Variants in PLD1 observed in about 807,000 individuals in gnomAD.
PLD1 encodes choline phosphatase 1.
Under a neutral mutation model 137.1 loss-of-function variants are expected in PLD1, and 112 were observed. The ratio of observed to expected loss-of-function variants is 0.82; its 90% CI spans 0.70 to 0.96. The LOEUF (loss-of-function observed/expected upper bound fraction) is 0.96. PLD1 is among the 40% of genes least tolerant of loss of function. PLD1 has a pLI of 0.00. For missense variants in PLD1, 1,321 were observed against 1,342.0 expected (o/e 0.98, Z 0.24); for synonymous variants, 431 against 454.7 (o/e 0.95, Z 0.66).
chr3:171,640,016 C>G (rs1054149119), intron 23 of PLD1, among the ~76,000 whole-genome samples: 1 of 151,516 alleles, frequency 6.6e-6, no homozygotes, highest in Non-Finnish European at 1.5e-5. Flanking sequence ...GTAATGTCCC[C>G]TCTTAGTTTC....
At chr3:171,747,222 A>G (rs923028399) in intron 1 of PLD1, among the ~76,000 whole-genome samples, 2 of 152,190 alleles carry the variant, frequency 1.3e-5, no homozygotes, top group Admixed American at 1.3e-4. Flanking sequence ...CTGCGGCTTC[A>G]TTCGTGAAGT....
At chr3:171,678,505 G>T (rs942138211) in intron 16 of PLD1, among the ~76,000 whole-genome samples, 1 of 152,180 alleles carries the variant, frequency 6.6e-6, no homozygotes, top group Non-Finnish European at 1.5e-5. Flanking sequence ...AGACAATGAA[G>T]TAAAAAGATG....
At chr3:171,617,737 G>A (rs901146179) in intron 24 of PLD1, among the ~76,000 whole-genome samples, 19 of 152,204 alleles carry the variant, frequency 1.2e-4, no homozygotes, top group African/African-American at 4.6e-4. Context: ...ATGCACAAAA[G>A]AGATCTTCAG....
rs1420593540 is a variant in PLD1 at position 171,688,707 on chromosome 3, A to G, written c.1508T>C (p.Val503Ala). ...RLTDVGSVKRVTSGPSLGSLP... is the reference protein window; with the variant it reads ...RLTDVGSVKRATSGPSLGSLP... Reference sequence around the variant, plus strand: ...GGAACCCAGAGACGGTCCTGAAGTGACCCGCTTCACACTGCCCACGTCTGT... The same window carrying G: ...GGAACCCAGAGACGGTCCTGAAGTGGCCCGCTTCACACTGCCCACGTCTGT... Residue 503 changes from valine (V) to alanine (A), a missense_variant, in exon 14 of 27, where the codon GTC (valine) becomes GCC (alanine). Coordinates refer to ENST00000351298, the MANE Select transcript of PLD1 (RefSeq NM_002662.5). The G allele has an allele frequency of 6.2e-7, 1 of 1,614,056 alleles. No individual in the cohort carries two copies. The highest frequency in any genetic ancestry group is 8.5e-7 in the Non-Finnish European group (1 of 1,179,960).
Position 171,644,935 on chromosome 3 carries a change from G to A in PLD1, c.2518C>T (p.Gln840Ter). 6.2e-7 allele frequency: 1 copy of A among 1,612,572 alleles called. No individual in the cohort carries two copies. Among genetic ancestry groups the A allele is most frequent in the Non-Finnish European group, 8.5e-7 (1 of 1,178,540 alleles). ...CTGTAGTTGAAGTGCATGATTGCCT[G>A]TAGAGCATTTCCTCCGCCGGTTGAA... ...DISTGGGNAL[Q>*]AIMHFNYRTM... The change falls in exon 22 of 27, where the codon CAG becomes TAG. Residue 840 changes from glutamine to a stop codon, truncating the protein, a stop_gained. Coordinates refer to ENST00000351298, the MANE Select transcript of PLD1 (RefSeq NM_002662.5). LOFTEE classifies it high-confidence loss of function.
At chr3:171,784,813 A>G (rs1722932769) in intron 1 of PLD1, among the ~76,000 whole-genome samples, 1 of 152,206 alleles carries the variant, frequency 6.6e-6, no homozygotes, top group Non-Finnish European at 1.5e-5. Flanking sequence ...AGCTACCTAT[A>G]GATAGCAAAT....
chr3:171,723,821 A>C (rs941770874), intron 8 of PLD1, among the ~76,000 whole-genome samples: 1 of 151,910 alleles, frequency 6.6e-6, no homozygotes, highest in Non-Finnish European at 1.5e-5. Context: ...TCAGATTATT[A>C]GATTTTTTTC....
intron 23 of PLD1, among the ~76,000 whole-genome samples, chr3:171,641,983 G>C (rs1233986941): frequency 7.9e-5 from 12 of 152,100 alleles, no homozygotes; most frequent in Admixed American, 7.9e-4. Flanking sequence ...CTTGGGTTCT[G>C]ATTCCAGCTT....
chr3:171,739,673 T>A (rs4261904), intron 1 of PLD1, among the ~76,000 whole-genome samples: 81,364 of 152,028 alleles, frequency 0.54, 22,820 homozygotes, highest in African/African-American at 0.71. Context: ...AGGGCTTGTT[T>A]TTTCTATTTT....
Position 171,644,892 on chromosome 3 carries a change from C to G in PLD1, c.2543+18G>C. 1 of 1,452,352 alleles carries G rather than the reference C, an allele frequency of 6.9e-7. No homozygotes were observed. The highest frequency in any genetic ancestry group is 9.7e-7 in the Non-Finnish European group (1 of 1,032,304). 90.0% of individuals were successfully genotyped at this position (1,452,352 alleles called of 1,614,324 possible). A position where few individuals can be genotyped will look rare whatever the true frequency, so the allele number is the denominator to read the frequency against. On this transcript the variant is annotated intron_variant, in intron 22 of 26. Transcript: ENST00000351298. The stretch of plus-strand genomic sequence containing the variant: ...GCATGACCGAAAGCTCAAAATAGAC[C>G]ATTTAGAGTTTTGGCACCTGTAGTT...
At chr3:171,748,008 T>TA in intron 1 of PLD1, among the ~76,000 whole-genome samples, 1 of 152,334 alleles carries the variant, frequency 6.6e-6, no homozygotes, top group East Asian at 1.9e-4. Flanking sequence ...ATTAAAATTT[T>TA]AAAAACTCCT....
chr3:171,644,106 G>A (rs1735998530), intron 22 of PLD1, among the ~76,000 whole-genome samples: 1 of 152,158 alleles, frequency 6.6e-6, no homozygotes, highest in African/African-American at 2.4e-5. Context: ...AAGGTTCTAT[G>A]TAAAGTATCA....
At chr3:171,752,466 T>TA (rs1720733945) in intron 1 of PLD1, among the ~76,000 whole-genome samples, 1 of 152,204 alleles carries the variant, frequency 6.6e-6, no homozygotes. Context: ...TGCTGAGCTG[T>TA]AAGCTCTTTG....
intron 1 of PLD1, among the ~76,000 whole-genome samples, chr3:171,740,020 C>G (rs960077536): frequency 1.3e-5 from 2 of 152,100 alleles, no homozygotes; most frequent in African/African-American, 4.8e-5. Flanking sequence ...CAGGATGAAG[C>G]CATTTAAATT....
chr3:171,619,544 C>G (rs1435020357), intron 24 of PLD1, among the ~76,000 whole-genome samples: 3 of 152,142 alleles, frequency 2.0e-5, no homozygotes, highest in Non-Finnish European at 4.4e-5. Flanking sequence ...AGTTGGACTG[C>G]TCTACATCCT....
At chr3:171,788,079 C>T (rs868261578) in intron 1 of PLD1, among the ~76,000 whole-genome samples, 3 of 151,716 alleles carry the variant, frequency 2.0e-5, no homozygotes, top group Admixed American at 1.3e-4. Flanking sequence ...TGGTGGTACA[C>T]GCCTGTAATC....
At position 171,781,826 on chromosome 3, in the gene PLD1, C is replaced by T. The variant is rs530265409; in HGVS notation, c.-32+28573G>A. Among the ~76,000 whole-genome samples the T allele has an allele frequency of 1.8e-4, 28 of 152,242 alleles. No homozygotes were observed. The South Asian group carries it at 5.4e-3, about 29-fold the overall frequency. On this transcript the variant is annotated intron_variant, in intron 1 of 26. Coordinates refer to ENST00000351298, the MANE Select transcript of PLD1 (RefSeq NM_002662.5). ...CAACCAGCTTAGAAAAAAGTCTAGC[C>T]GTTGTTTATAAAACTAAATATGCAC...
intron 9 of PLD1, among the ~76,000 whole-genome samples, chr3:171,712,366 A>G (rs886780254): frequency 2.0e-5 from 3 of 152,222 alleles, no homozygotes; most frequent in African/African-American, 4.8e-5. Flanking sequence ...CACTACTCCA[A>G]TTGAGCTAAA....
At chr3:171,708,541 A>G (rs1256520704) in intron 11 of PLD1, among the ~76,000 whole-genome samples, 1 of 152,174 alleles carries the variant, frequency 6.6e-6, no homozygotes, top group African/African-American at 2.4e-5. Flanking sequence ...ATAAAACCTA[A>G]TTGTTCAAAC....
Sources: gnomAD v4.1 joint callset for allele counts (sites outside exome capture counted in the v4.1 genomes callset) on GRCh38, gnomAD v4.1.1 for gene constraint, MANE v1.5 for transcripts, NCBI Gene and HGNC (gene_info 2026-07-23, HGNC 2026-07-21) for gene names.